PPP6R2: variants seen among roughly 807,000 people sequenced by gnomAD.
PPP6R2 encodes the protein protein phosphatase 6 regulatory subunit 2.
Under a neutral mutation model 100.2 loss-of-function variants are expected in PPP6R2, and 62 were observed. That is an observed-to-expected ratio of 0.62 (90% CI 0.50 to 0.76). The LOEUF is 0.76. PPP6R2 is among the 30% of genes least tolerant of loss of function. The pLI is 0.00. For synonymous variants in PPP6R2, 525 were observed against 514.7 expected (o/e 1.02, Z -0.27); for missense variants, 1,142 against 1,276.3 (o/e 0.89, Z 1.60).
At chr22:50,408,467 T>G (rs1292770225) in intron 4 of PPP6R2, among the ~76,000 whole-genome samples, 1 of 152,156 alleles carries the variant, frequency 6.6e-6, no homozygotes, top group Non-Finnish European at 1.5e-5. Context: ...CTGCCTCACC[T>G]CAGCTCCTTC....
intron 15 of PPP6R2, 26 bp from the exon 16 acceptor site, chr22:50,437,480 T>TGCCAGCCCAAC: frequency 1.4e-6 from 1 of 728,386 alleles, no homozygotes; most frequent in East Asian, 2.5e-5. Flanking sequence ...TGTCTGTCCG[T>TGCCAGCCCAAC]CCCTCCCTCC....
intron 3 of PPP6R2, among the ~76,000 whole-genome samples, chr22:50,395,303 G>A (rs2148911444): frequency 1.3e-5 from 2 of 152,336 alleles, no homozygotes; most frequent in Middle Eastern, 3.4e-3. Context: ...AGGGGGCAGT[G>A]TGGCGAGATG....
intron 3 of PPP6R2, among the ~76,000 whole-genome samples, chr22:50,406,092 G>A (rs1411865789): frequency 1.4e-5 from 2 of 139,702 alleles, no homozygotes; most frequent in African/African-American, 2.7e-5. Flanking sequence ...CGAGTGTGAA[G>A]GCCTGGAGGG....
chr22:50,438,994 G>A (rs924784550), intron 19 of PPP6R2, among the ~76,000 whole-genome samples: 36 of 152,198 alleles, frequency 2.4e-4, no homozygotes, highest in African/African-American at 7.5e-4. Context: ...ACTCAGCCAC[G>A]TTGCCAAGGC....
Position 50,413,243 on chromosome 22 carries a change from G to GTGAGCCACT in PPP6R2, c.415-1301_415-1300insTTGAGCCAC, listed in dbSNP as rs530802156. 1.2e-3 allele frequency among the ~76,000 whole-genome samples: 179 copies of GTGAGCCACT among 152,268 alleles called. 2 individuals are homozygous for GTGAGCCACT. Among genetic ancestry groups the GTGAGCCACT allele is most frequent in the Middle Eastern group, 0.01 (3 of 294 alleles). On this transcript the variant is annotated intron_variant, in intron 4 of 23. Coordinates refer to ENST00000612753, the MANE Select transcript of PPP6R2 (RefSeq NM_001242898.2). ...CTCCCAAAGTGCTGGGATTACAGGCGTGAGCCACCGCACCTGGCCAGATAA... is the reference window on the plus strand; with the variant it reads ...CTCCCAAAGTGCTGGGATTACAGGCGTGAGCCACTTGAGCCACCGCACCTGGCCAGATAA...
chr22:50,414,522 C>G (rs771065965), intron 4 of PPP6R2, 30 bp from the exon 5 acceptor site: 10 of 1,610,026 alleles, frequency 6.2e-6, no homozygotes, highest in Non-Finnish European at 7.6e-6. Context: ...GGGTCGGCCC[C>G]GCCTGCCTCT....
intron 2 of PPP6R2, among the ~76,000 whole-genome samples, chr22:50,374,059 AT>A (rs1569324583): frequency 6.6e-6 from 1 of 152,106 alleles, no homozygotes; most frequent in South Asian, 2.1e-4. Flanking sequence ...TTTAAAAACA[AT>A]TTTTTTAGAG....
chr22:50,381,861 T>G (rs1208832356), intron 2 of PPP6R2, among the ~76,000 whole-genome samples: 5 of 145,710 alleles, frequency 3.4e-5, no homozygotes, highest in African/African-American at 7.7e-5. Flanking sequence ...TGTGCTGAGA[T>G]CACACCACTG....
chr22:50,432,835 C>T (rs1014672397), intron 12 of PPP6R2, among the ~76,000 whole-genome samples: 1 of 152,210 alleles, frequency 6.6e-6, no homozygotes, highest in Admixed American at 6.5e-5. Flanking sequence ...GGAGGGACTC[C>T]AGGGAGCTGG....
chr22:50,341,523 G>T (rs1173417545), upstream of PPP6R2, among the ~76,000 whole-genome samples: 1 of 152,162 alleles, frequency 6.6e-6, no homozygotes, highest in Admixed American at 6.6e-5. Flanking sequence ...TGTTTTAACT[G>T]GACCCCTCTG....
upstream of PPP6R2, among the ~76,000 whole-genome samples, chr22:50,341,725 C>T (rs1227165337): frequency 2.0e-5 from 3 of 151,666 alleles, no homozygotes; most frequent in Non-Finnish European, 2.9e-5. Flanking sequence ...CCGGGCGCGG[C>T]GGCTCAGGCC....
At chr22:50,440,694 C>T in intron 21 of PPP6R2, 128 bp from the exon 22 acceptor site, 1 of 1,086,496 alleles carries the variant, frequency 9.2e-7, no homozygotes. Context: ...GGCTCCCACA[C>T]AGGCACATGT....
chr22:50,389,303 G>A (rs116854854), intron 2 of PPP6R2, among the ~76,000 whole-genome samples: 1,593 of 152,286 alleles, frequency 0.01, 91 homozygotes, highest in Admixed American at 0.089. Context: ...TGACCTTGAG[G>A]TCATGTAGGG....
At chr22:50,432,239 C>T (rs1162834571) in intron 11 of PPP6R2, 26 bp from the exon 12 acceptor site, 27 of 1,545,880 alleles carry the variant, frequency 1.7e-5, no homozygotes, top group Admixed American at 2.0e-5. Flanking sequence ...CCCTGACTCA[C>T]GCTGTCCCCC....
intron 10 of PPP6R2, among the ~76,000 whole-genome samples, chr22:50,428,423 A>G (rs2062576990): frequency 6.6e-6 from 1 of 152,170 alleles, no homozygotes; most frequent in African/African-American, 2.4e-5. Flanking sequence ...GTGTAAGATC[A>G]TATCAGGTCA....
the PPP6R2 span, among the ~76,000 whole-genome samples, chr22:50,332,371 C>T: frequency 1.3e-5 from 2 of 151,852 alleles, no homozygotes; most frequent in South Asian, 2.1e-4. Flanking sequence ...GCTGGGAGTA[C>T]AGGTGCCCAC....
intron 1 of PPP6R2, among the ~76,000 whole-genome samples, chr22:50,346,754 C>T (rs1011282868): frequency 1.0e-4 from 15 of 148,598 alleles, no homozygotes; most frequent in Admixed American, 6.7e-5. Context: ...GCTCCCCCAC[C>T]GTCAGTCCAC....
intron 2 of PPP6R2, among the ~76,000 whole-genome samples, chr22:50,387,135 A>G (rs2054416098): frequency 6.6e-6 from 1 of 152,184 alleles, no homozygotes; most frequent in Non-Finnish European, 1.5e-5. Context: ...ATCATAGCTC[A>G]GGGCAGCCTC....
intron 15 of PPP6R2, 147 bp downstream of exon 15, chr22:50,437,215 T>C: frequency 1.2e-6 from 1 of 823,676 alleles, no homozygotes; most frequent in Non-Finnish European, 2.0e-6. Flanking sequence ...GCGGGGTGGG[T>C]CTGAAGGGAG....
Sources: gnomAD v4.1 joint callset for allele counts (sites outside exome capture counted in the v4.1 genomes callset) on GRCh38, gnomAD v4.1.1 for gene constraint, MANE v1.5 for transcripts, NCBI Gene and HGNC (gene_info 2026-07-23, HGNC 2026-07-21) for gene names.